Variants in NOL10 observed in about 807,000 individuals in gnomAD.
NOL10 encodes H_NH0074G24.1.
Under a neutral mutation model 103.5 loss-of-function variants are expected in NOL10, and 58 were observed. That is an observed-to-expected ratio of 0.56 (90% confidence interval 0.45 to 0.70). The LOEUF is 0.70. Ranked by LOEUF, NOL10 falls within the 30% of genes least tolerant of loss-of-function variation. The pLI is 0.00. For synonymous variants in NOL10, 287 were observed against 282.5 expected, an observed-to-expected ratio of 1.02 and a Z score of -0.16; for missense variants, 763 against 807.3, an observed-to-expected ratio of 0.95 and a Z score of 0.67.
intron 20 of NOL10, among the ~76,000 whole-genome samples, chr2:10,576,385 C>T (rs1237044522): frequency 6.6e-6 from 1 of 152,180 alleles, no homozygotes; most frequent in Non-Finnish European, 1.5e-5. Context: ...AATAAAAACA[C>T]ATGTTCATGC....
intron 20 of NOL10, among the ~76,000 whole-genome samples, chr2:10,576,341 T>A (rs1246760264): frequency 1.3e-5 from 2 of 152,172 alleles, no homozygotes; most frequent in African/African-American, 4.8e-5. Flanking sequence ...ATAGCTACAC[T>A]AGCAATTCTG....
chr2:10,689,685 G>T, intron 1 of NOL10, 111 bp downstream of exon 1: 1 of 1,102,240 alleles, frequency 9.1e-7, no homozygotes, highest in Non-Finnish European at 1.3e-6. Context: ...GAGTCGGGGG[G>T]TGACCAGCGT....
At chr2:10,689,758 C>A (rs753684053) in intron 1 of NOL10, 38 bp downstream of exon 1, 5 of 1,573,530 alleles carry the variant, frequency 3.2e-6, no homozygotes, top group Non-Finnish European at 4.3e-6. Context: ...GGACGACCCC[C>A]AAGAGCTCGA....
intron 17 of NOL10, among the ~76,000 whole-genome samples, chr2:10,597,114 C>T (rs1675733393): frequency 6.6e-6 from 1 of 152,154 alleles, no homozygotes; most frequent in Non-Finnish European, 1.5e-5. Context: ...GGAATACAGG[C>T]GTGAGCCACT....
chr2:10,574,835 A>G (rs78544622), intron 20 of NOL10, among the ~76,000 whole-genome samples: 3,088 of 152,280 alleles, frequency 0.02, 46 homozygotes, highest in Non-Finnish European at 0.031. Context: ...CACCATTTAC[A>G]TCTCCTGGAA....
chr2:10,676,361 TC>T (rs1681307578), intron 3 of NOL10, among the ~76,000 whole-genome samples: 1 of 152,204 alleles, frequency 6.6e-6, no homozygotes, highest in South Asian at 2.1e-4. Context: ...TTAAGAATGT[TC>T]ACTGCAGCAT....
At chr2:10,636,495 A>G (rs1678236761) in intron 13 of NOL10, among the ~76,000 whole-genome samples, 1 of 151,146 alleles carries the variant, frequency 6.6e-6, no homozygotes, top group Non-Finnish European at 1.5e-5. Flanking sequence ...GTAGTCCCAG[A>G]TACTCGAGAG....
At chr2:10,593,328 C>T (rs1410558461) in intron 17 of NOL10, among the ~76,000 whole-genome samples, 7 of 152,100 alleles carry the variant, frequency 4.6e-5, no homozygotes, top group South Asian at 4.1e-4. Flanking sequence ...TTAGTAGAGA[C>T]GGGGTTTCAC....
intron 13 of NOL10, among the ~76,000 whole-genome samples, chr2:10,627,842 A>G (rs934901620): frequency 2.0e-5 from 3 of 152,002 alleles, no homozygotes; most frequent in Non-Finnish European, 4.4e-5. Flanking sequence ...TCAACATCAC[A>G]CAAAATACCC....
chr2:10,672,165 T>C (rs995189913), intron 5 of NOL10, among the ~76,000 whole-genome samples: 1 of 151,804 alleles, frequency 6.6e-6, no homozygotes, highest in African/African-American at 2.4e-5. Flanking sequence ...CCATCTCTAC[T>C]AAAAACACAA....
At chr2:10,647,430 C>T (rs753060997) in intron 12 of NOL10, among the ~76,000 whole-genome samples, 2 of 152,250 alleles carry the variant, frequency 1.3e-5, no homozygotes, top group Non-Finnish European at 2.9e-5. Context: ...TGCAATTCAA[C>T]ACTGCAGTGA....
chr2:10,675,972 AATTGT>A, intron 3 of NOL10, 101 bp from the exon 4 acceptor site: 1 of 538,052 alleles, frequency 1.9e-6, no homozygotes, highest in Non-Finnish European at 3.2e-6. Context: ...AGGCAGGATT[AATTGT>A]AACCAAATCA....
intron 19 of NOL10, among the ~76,000 whole-genome samples, chr2:10,578,915 C>G (rs1035116104): frequency 6.6e-6 from 1 of 152,190 alleles, no homozygotes; most frequent in Non-Finnish European, 1.5e-5. Flanking sequence ...CCTGTCCTCC[C>G]TGCCCCAGAT....
intron 13 of NOL10, among the ~76,000 whole-genome samples, chr2:10,637,501 C>A (rs923971653): frequency 1.3e-5 from 2 of 152,162 alleles, no homozygotes; most frequent in African/African-American, 4.8e-5. Flanking sequence ...GTGACTGAAG[C>A]CCTGAGGAGA....
chr2:10,662,926 G>C, intron 9 of NOL10, 33 bp downstream of exon 9: 1 of 1,485,636 alleles, frequency 6.7e-7, no homozygotes, highest in Non-Finnish European at 9.4e-7. Flanking sequence ...AAAAGTTGAT[G>C]AACATTTACA....
intron 3 of NOL10, among the ~76,000 whole-genome samples, chr2:10,677,425 T>C (rs578149360): frequency 6.7e-6 from 1 of 149,372 alleles, no homozygotes; most frequent in East Asian, 1.9e-4. Context: ...AGATTTCGTT[T>C]AAAGAAAAAA....
At chr2:10,584,364 C>G (rs570647645) in intron 19 of NOL10, among the ~76,000 whole-genome samples, 13 of 152,242 alleles carry the variant, frequency 8.5e-5, no homozygotes, top group African/African-American at 2.4e-4. Context: ...AACAGACTCA[C>G]AAACAAAGTT....
intron 20 of NOL10, among the ~76,000 whole-genome samples, 154 bp downstream of exon 20, chr2:10,577,482 G>C: frequency 1.3e-5 from 2 of 152,324 alleles, no homozygotes; most frequent in Middle Eastern, 3.4e-3. Context: ...CCCACCAGGG[G>C]CTCTGGTTGC....
rs1231625046 is a variant in NOL10, at chr2:10,669,461, ATT to A, written c.465-740_465-739del. On this transcript the variant is annotated intron_variant, in intron 6 of 20. Coordinates refer to ENST00000381685, the MANE Select transcript of NOL10 (RefSeq NM_024894.4). The stretch of plus-strand genomic sequence containing the variant: ...TATTTGTATATATATATATATTTTT[ATT>A]TTTTATATATATATATATACACACA... Among the ~76,000 whole-genome samples the A allele has an allele frequency of 5.7e-3, 691 of 121,774 alleles. 2 individuals are homozygous for A. The highest frequency in any genetic ancestry group is 9.5e-3 in the African/African-American group (343 of 36,182). The allele number at this position is 121,774 out of a possible 152,430, so 79.9% of individuals were successfully genotyped here. A position where few individuals can be genotyped will look rare whatever the true frequency, so the allele number is the denominator to read the frequency against.
Sources: gnomAD v4.1 joint callset for allele counts (sites outside exome capture counted in the v4.1 genomes callset) on GRCh38, gnomAD v4.1.1 for gene constraint, MANE v1.5 for transcripts, NCBI Gene and HGNC (gene_info 2026-07-23, HGNC 2026-07-21) for gene names.